The following TRERF1 variants were observed in gnomAD, a reference collection of about 807,000 sequenced individuals.
The protein encoded by TRERF1 is transcriptional regulating factor 1, also known as transcriptional-regulating factor 1.
A neutral mutation model predicts 122.9 loss-of-function variants in TRERF1; 27 were observed. That is an observed-to-expected ratio of 0.22 (90% CI 0.16 to 0.30). TRERF1 has a LOEUF of 0.30. TRERF1 is among the 10% of genes least tolerant of loss of function. The pLI, the probability that TRERF1 is intolerant of heterozygous loss-of-function variation, is 1.00. For missense variants in TRERF1, 1,248 were observed against 1,560.3 expected, an observed-to-expected ratio of 0.80 and a Z score of 3.37; for synonymous variants, 636 against 641.7, an observed-to-expected ratio of 0.99 and a Z score of 0.13.
rs1386881499 is a variant in TRERF1, at chr6:42,295,930, C to T, written c.-259+4708G>A. ...AGGTGTAATATAAAGCCATTTATTA[C>T]AAGAGGGCGTGAAAAGTGAAGTCTC... On this transcript the variant is annotated intron_variant, in intron 4 of 17. Coordinates refer to ENST00000372922, the Ensembl canonical transcript of TRERF1. 2.0e-5 allele frequency among the ~76,000 whole-genome samples: 3 copies of T among 152,198 alleles called. No individual in the cohort carries two copies. In the South Asian group the frequency reaches 6.2e-4, roughly 31 times the overall value.
At position 42,263,135 on chromosome 6, in the gene TRERF1, G is replaced by A. The variant is rs981163013; in HGVS notation, c.1884+185C>T. 1.4e-5 allele frequency: 18 copies of A among 1,323,530 alleles called. No homozygotes were observed. The highest frequency in any genetic ancestry group is 3.5e-5 in the Admixed American group (1 of 28,404). 82.0% of individuals were successfully genotyped at this position (1,323,530 alleles called of 1,614,324 possible). A position where few individuals can be genotyped will look rare whatever the true frequency, so the allele number is the denominator to read the frequency against. On this transcript the variant is annotated intron_variant, in intron 8 of 17. Coordinates refer to ENST00000372922, the Ensembl canonical transcript of TRERF1. This position sits in a 1 kb window ranked among gnomAD's most constrained non-coding sequence, Gnocchi z 5.6. ...AGGGTAGGGTTCCCAATGTGGCCAC[G>A]GGTTCAGCCCTGAGAGACCAAGCCG...
chr6:42,302,254 A>T lies in TRERF1; in HGVS notation c.-370-1505T>A, dbSNP rs372998497. Among the ~76,000 whole-genome samples the T allele has an allele frequency of 2.7e-3, 411 of 152,176 alleles. 3 individuals carry two copies. The highest frequency in any genetic ancestry group is 9.0e-3 in the African/African-American group (374 of 41,490). ...TAATGCTATAAAATGATTTTTTTTTAAATGAGAAATCCTTTGTCTGTGACA... is the reference window on the plus strand; with the variant it reads ...TAATGCTATAAAATGATTTTTTTTTTAATGAGAAATCCTTTGTCTGTGACA... On this transcript the variant is annotated intron_variant, in intron 3 of 17. Coordinates refer to ENST00000372922, the Ensembl canonical transcript of TRERF1.
intron 2 of TRERF1, among the ~76,000 whole-genome samples, chr6:42,438,123 T>C (rs1264218010): frequency 1.3e-5 from 2 of 151,514 alleles, no homozygotes; most frequent in East Asian, 4.0e-4. Flanking sequence ...GGTTTCACCA[T>C]GTTGGCCAGG....
chr6:42,398,072 G>C (rs1778879211), intron 2 of TRERF1, among the ~76,000 whole-genome samples: 1 of 152,186 alleles, frequency 6.6e-6, no homozygotes, highest in Non-Finnish European at 1.5e-5. Flanking sequence ...CAAGAAGAAG[G>C]TGATAAGTCA....
intron 2 of TRERF1, among the ~76,000 whole-genome samples, chr6:42,399,434 C>T (rs1397858528): frequency 6.6e-6 from 1 of 152,132 alleles, no homozygotes; most frequent in African/African-American, 2.4e-5. Context: ...AAGCGAGGGA[C>T]CTGGGTGTCT....
At position 42,236,080 on chromosome 6, in the gene TRERF1, G is replaced by A. The variant is rs142597685; in HGVS notation, c.3066+125C>T. ...TGAAGCAGAAAACAATGGCAACATG[G>A]AGCACCCTCTGCCAAACTGTGACTG... On this transcript the variant is annotated intron_variant, in intron 16 of 17. Transcript: ENST00000372922. 2.6e-3 allele frequency: 3,567 copies of A among 1,398,276 alleles called. 8 individuals carry two copies. The highest frequency in any genetic ancestry group is 3.2e-3 in the Non-Finnish European group (3,357 of 1,062,282). 86.6% of individuals were successfully genotyped at this position (1,398,276 alleles called of 1,614,324 possible).
rs1441974043 is a variant in TRERF1 at position 42,414,884 on chromosome 6, T to A, written c.-454+36293A>T. Among the ~76,000 whole-genome samples, 28 of 152,250 alleles carry A rather than the reference T, an allele frequency of 1.8e-4. 1 individual carries two copies. Among genetic ancestry groups the A allele is most frequent in the Admixed American group, 1.8e-3 (28 of 15,284 alleles). ...TGATTACAATAATGTCCAATGAACA[T>A]TGTACATGTGAGTGTTTCTCTAGGA... is the stretch of plus-strand genomic sequence containing the variant. On this transcript the variant is annotated intron_variant, in intron 2 of 17. Coordinates refer to ENST00000372922, the Ensembl canonical transcript of TRERF1.
chr6:42,284,776 T>C (rs1782892286), intron 4 of TRERF1, among the ~76,000 whole-genome samples: 1 of 152,052 alleles, frequency 6.6e-6, no homozygotes, highest in Admixed American at 6.5e-5. Flanking sequence ...CTTGCTAACT[T>C]TAACATGAGG....
chr6:42,382,843 G>A (rs1776172293), intron 2 of TRERF1, among the ~76,000 whole-genome samples: 1 of 151,700 alleles, frequency 6.6e-6, no homozygotes, highest in Admixed American at 6.6e-5. Flanking sequence ...CCCACTACAT[G>A]CCAGTAGGAT....
At chr6:42,388,609 C>A (rs1777204334) in intron 2 of TRERF1, among the ~76,000 whole-genome samples, 1 of 152,054 alleles carries the variant, frequency 6.6e-6, no homozygotes, top group Admixed American at 6.6e-5. Context: ...AGCTTGGTGG[C>A]ACTGCCAGAG....
intron 2 of TRERF1, among the ~76,000 whole-genome samples, chr6:42,406,788 G>A (rs1780251409): frequency 6.6e-6 from 1 of 151,738 alleles, no homozygotes; most frequent in South Asian, 2.1e-4. Context: ...GCCTTTGCAG[G>A]GATTTGTGTA....
chr6:42,415,459 T>C (rs1321776143), intron 2 of TRERF1, among the ~76,000 whole-genome samples: 5 of 152,206 alleles, frequency 3.3e-5, no homozygotes, highest in Admixed American at 2.6e-4. Context: ...AAGGTCTCTC[T>C]ACTCCAAGAC....
intron 2 of TRERF1, among the ~76,000 whole-genome samples, chr6:42,382,417 T>TAAAAAA (rs58580368): frequency 1.5e-5 from 2 of 133,660 alleles, no homozygotes; most frequent in Non-Finnish European, 1.6e-5. Context: ...AAGACGTGAT[T>TAAAAAA]AAAAAAAAAA....
Position 42,263,582 on chromosome 6 carries a change from A to G in TRERF1, c.1636-14T>C. 1.3e-6 allele frequency: 2 copies of G among 1,495,934 alleles called. No homozygotes were observed. Among genetic ancestry groups the G allele is most frequent in the Non-Finnish European group, 1.8e-6 (2 of 1,121,062 alleles). The allele number at this position is 1,495,934 out of a possible 1,614,324, so 92.7% of individuals were successfully genotyped here. A position where few individuals can be genotyped will look rare whatever the true frequency, so the allele number is the denominator to read the frequency against. ...CTCTCCTTCCTCCTACACAGACAAT[A>G]AAGGCTTTGATCCTGGGCTGAGAGC... On this transcript the variant is annotated splice_polypyrimidine_tract_variant and intron_variant, in intron 7 of 17. Coordinates refer to ENST00000372922, the Ensembl canonical transcript of TRERF1. The surrounding 1 kb of genome is among the most constrained non-coding windows in gnomAD (Gnocchi z 5.6).
At position 42,363,893 on chromosome 6, in the gene TRERF1, A is replaced by C. The variant is rs76810465; in HGVS notation, c.-453-814T>G. On this transcript the variant is annotated intron_variant, in intron 2 of 17. Coordinates refer to ENST00000372922, the Ensembl canonical transcript of TRERF1. ...TGGACTTGCAGCCTCCAGAGCTGTG[A>C]GACAATAAATCTGTGGTTTAAGCCA... is the stretch of plus-strand genomic sequence containing the variant. 1.2e-3 allele frequency among the ~76,000 whole-genome samples: 190 copies of C among 152,266 alleles called. 2 individuals carry two copies. Among genetic ancestry groups the C allele is most frequent in the African/African-American group, 4.4e-3 (183 of 41,532 alleles).
chr6:42,358,900 C>T (rs1394094087), intron 3 of TRERF1, among the ~76,000 whole-genome samples: 1 of 151,098 alleles, frequency 6.6e-6, no homozygotes, highest in African/African-American at 2.4e-5. Context: ...CAGTGCTCAT[C>T]TAGGTATCAA....
chr6:42,428,655 T>C (rs539803553), intron 2 of TRERF1, among the ~76,000 whole-genome samples: 4 of 152,204 alleles, frequency 2.6e-5, no homozygotes, highest in Admixed American at 6.5e-5. Flanking sequence ...TTTGTTCATA[T>C]GGAAAAACCA....
chr6:42,281,577 G>A (rs1275450558), intron 4 of TRERF1, among the ~76,000 whole-genome samples: 2 of 152,162 alleles, frequency 1.3e-5, no homozygotes, highest in Non-Finnish European at 2.9e-5. Context: ...TGTGTGCATG[G>A]TAAACTATTA....
rs1240083019 is a variant in TRERF1, at chr6:42,259,460, C to G, written c.2148G>C (p.Pro716=). The stretch of plus-strand genomic sequence containing the variant: ...TGAAGAGCCCCGAGCCCTGGCGCAC[C>G]GGGCTCAGCATGGGTGGGGGCGTGT... The change falls in exon 9 of 18, where the codon CCG becomes CCC. Residue 716 remains proline, a synonymous_variant. Coordinates refer to ENST00000372922, the Ensembl canonical transcript of TRERF1. The surrounding 1 kb of genome is among the most constrained non-coding windows in gnomAD (Gnocchi z 4.9). The G allele has an allele frequency of 2.5e-6, 4 of 1,604,322 alleles. No homozygotes were observed. Among genetic ancestry groups the G allele is most frequent in the South Asian group, 1.1e-5 (1 of 90,612 alleles).
Sources: allele counts gnomAD v4.1 joint callset (sites outside exome capture counted in the v4.1 genomes callset), GRCh38; gene constraint gnomAD v4.1.1; non-coding constraint Gnocchi (gnomAD v3.1); transcripts MANE v1.5; gene names NCBI Gene and HGNC (gene_info 2026-07-23, HGNC 2026-07-21).